ARSB: variants seen among roughly 807,000 people sequenced by gnomAD.
ARSB encodes the protein N-acetylgalactosamine-4-sulfatase.
ARSB carries 41 observed loss-of-function variants against 50.9 expected under a neutral mutation model. That is an observed-to-expected ratio of 0.81 (90% CI 0.63 to 1.04). The LOEUF (loss-of-function observed/expected upper bound fraction) is 1.04. Among genes scored for constraint, ARSB ranks in the 50% least tolerant of loss-of-function variants. The pLI, the probability that ARSB is intolerant of heterozygous loss-of-function variation, is 0.00. For synonymous variants in ARSB, 269 were observed against 284.8 expected (o/e 0.94, Z 0.56); for missense variants, 672 against 693.3 (o/e 0.97, Z 0.35).
At chr5:78,860,916 A>G (rs1315150471) in intron 5 of ARSB, among the ~76,000 whole-genome samples, 1 of 152,268 alleles carries the variant, frequency 6.6e-6, no homozygotes, top group Non-Finnish European at 1.5e-5. Context: ...ACAATAAAAA[A>G]TGATAAAGGG....
At chr5:78,976,284 T>TC (rs1752660827) in intron 1 of ARSB, among the ~76,000 whole-genome samples, 1 of 133,558 alleles carries the variant, frequency 7.5e-6, no homozygotes, top group South Asian at 2.6e-4. Flanking sequence ...GCTACTTTTT[T>TC]TTTTTTTTTT....
At chr5:78,932,735 T>C (rs1391935821) in intron 4 of ARSB, among the ~76,000 whole-genome samples, 1 of 152,252 alleles carries the variant, frequency 6.6e-6, no homozygotes, top group Non-Finnish European at 1.5e-5. Context: ...GGTAGATACA[T>C]GTAAAGTGCT....
intron 1 of ARSB, among the ~76,000 whole-genome samples, chr5:78,970,709 T>A (rs562368589): frequency 6.6e-6 from 1 of 152,240 alleles, no homozygotes; most frequent in Admixed American, 6.5e-5. Flanking sequence ...ATCCCAACAC[T>A]TTGGGAGGCT....
chr5:78,869,701 A>G (rs1283625177), intron 5 of ARSB, among the ~76,000 whole-genome samples: 1 of 150,450 alleles, frequency 6.6e-6, no homozygotes, highest in Non-Finnish European at 1.5e-5. Flanking sequence ...AATGCCCACA[A>G]GAGAAAGCAG....
At position 78,893,076 on chromosome 5, in the gene ARSB, A is replaced by G. The variant is rs569200670; in HGVS notation, c.899-7249T>C. Among the ~76,000 whole-genome samples, 16 of 152,288 alleles carry G rather than the reference A, an allele frequency of 1.1e-4. No homozygotes were observed. The South Asian group carries it at 3.3e-3, about 32-fold the overall frequency. On this transcript the variant is annotated intron_variant, in intron 4 of 7. Coordinates refer to ENST00000264914, the MANE Select transcript of ARSB (RefSeq NM_000046.5). ...TTGAATCACAGGGGCAGATTCCCCCATACTGTTCTCGTGGTAGTGAACAAG... is the reference window on the plus strand; with the variant it reads ...TTGAATCACAGGGGCAGATTCCCCCGTACTGTTCTCGTGGTAGTGAACAAG...
intron 4 of ARSB, among the ~76,000 whole-genome samples, chr5:78,891,858 T>TG (rs1748307847): frequency 6.8e-6 from 1 of 146,748 alleles, no homozygotes; most frequent in African/African-American, 2.8e-5. Context: ...TAGGTCTAGG[T>TG]GTTTTATGAC....
intron 6 of ARSB, among the ~76,000 whole-genome samples, chr5:78,833,955 C>G (rs1464078656): frequency 6.6e-6 from 1 of 152,124 alleles, no homozygotes; most frequent in African/African-American, 2.4e-5. Context: ...TACTTAGGCA[C>G]AAAAGGTAGG....
intron 5 of ARSB, among the ~76,000 whole-genome samples, chr5:78,852,488 C>G (rs1253490862): frequency 2.6e-5 from 4 of 152,204 alleles, no homozygotes; most frequent in East Asian, 3.8e-4. Flanking sequence ...CTGCCCTTAA[C>G]ATTTTTTCCT....
At position 78,841,208 on chromosome 5, in the gene ARSB, T is replaced by C. The variant is rs573800285; in HGVS notation, c.1143-1782A>G. 8.8e-5 allele frequency among the ~76,000 whole-genome samples: 13 copies of C among 147,618 alleles called. No homozygotes were observed. In the South Asian group the frequency reaches 2.9e-3, roughly 33 times the overall value. Reference sequence around the variant, plus strand: ...ATTTGAGCATGGTGGTGCATGCCTGTAGTCCCAGCAACACAGGAGGCTGAG... The same window carrying C: ...ATTTGAGCATGGTGGTGCATGCCTGCAGTCCCAGCAACACAGGAGGCTGAG... On this transcript the variant is annotated intron_variant, in intron 5 of 7. Coordinates refer to ENST00000264914, the MANE Select transcript of ARSB (RefSeq NM_000046.5).
At chr5:78,872,814 AT>A (rs756470940) in intron 5 of ARSB, among the ~76,000 whole-genome samples, 1,237 of 92,820 alleles carry the variant, frequency 0.013, 13 homozygotes, top group African/African-American at 0.054. Context: ...TTAAAGTATA[AT>A]TAAAAAAAAA....
intron 6 of ARSB, among the ~76,000 whole-genome samples, chr5:78,801,692 C>A (rs11956904): frequency 0.012 from 1,837 of 152,192 alleles, 35 homozygotes; most frequent in African/African-American, 0.04. Flanking sequence ...TGTGTGCTGG[C>A]GGAATGTGAG....
chr5:78,864,705 T>C lies in ARSB; in HGVS notation c.1142+20879A>G, dbSNP rs554096282. ...CATCTGAGACAAGGCAAGTCCCTTA[T>C]GCCTATGAGCCTGTAAAATCAAAAG... On this transcript the variant is annotated intron_variant, in intron 5 of 7. Transcript: ENST00000264914. 3.9e-5 allele frequency among the ~76,000 whole-genome samples: 6 copies of C among 152,324 alleles called. No homozygotes were observed. In the East Asian group the frequency reaches 1.2e-3, roughly 29 times the overall value.
At chr5:78,935,629 C>G (rs902277855) in intron 4 of ARSB, among the ~76,000 whole-genome samples, 1 of 152,118 alleles carries the variant, frequency 6.6e-6, no homozygotes, top group Non-Finnish European at 1.5e-5. Context: ...AACCGGAGAC[C>G]AAAGGCTAGA....
chr5:78,984,900 G>GGGCGGGGGC lies in ARSB; in HGVS notation c.312+28_312+36dup, dbSNP rs1048555542. The GGGCGGGGGC allele has an allele frequency of 2.1e-4, 264 of 1,287,188 alleles. 1 individual carries two copies. Among genetic ancestry groups the GGGCGGGGGC allele is most frequent in the Non-Finnish European group, 2.5e-4 (252 of 1,020,862 alleles). 79.7% of individuals were successfully genotyped at this position (1,287,188 alleles called of 1,614,324 possible). A position where few individuals can be genotyped will look rare whatever the true frequency, so the allele number is the denominator to read the frequency against. Reference sequence around the variant, plus strand: ...AGCGGCAGGGCGCCGGCGAAAGGCGGGGCGGGGGCGGCGCGGGCGGCGGGG... The same window carrying GGGCGGGGGC: ...AGCGGCAGGGCGCCGGCGAAAGGCGGGGCGGGGGCGGCGGGGGCGGCGCGGGCGGCGGGG... On this transcript the variant is annotated intron_variant, in intron 1 of 7. Coordinates refer to ENST00000264914, the MANE Select transcript of ARSB (RefSeq NM_000046.5).
intron 6 of ARSB, among the ~76,000 whole-genome samples, chr5:78,836,884 G>A (rs1476298471): frequency 6.6e-6 from 1 of 152,158 alleles, no homozygotes; most frequent in Admixed American, 6.5e-5. Flanking sequence ...CATGACAGAA[G>A]GTGAAGAGGA....
At chr5:78,900,451 G>A (rs1339872210) in intron 4 of ARSB, among the ~76,000 whole-genome samples, 2 of 152,126 alleles carry the variant, frequency 1.3e-5, no homozygotes, top group Non-Finnish European at 2.9e-5. Flanking sequence ...TTTTTCCAGT[G>A]TAAAAACAGA....
Position 78,780,242 on chromosome 5 carries a change from A to C in ARSB, c.*155T>G. On this transcript the variant is annotated 3_prime_UTR_variant, in exon 8 of 8. Coordinates refer to ENST00000264914, the MANE Select transcript of ARSB (RefSeq NM_000046.5). The stretch of plus-strand genomic sequence containing the variant: ...GTTGCAGATTTTATCAGCTTCTTAA[A>C]TGCATTAGGGGTTGAAATTAGACAC... 1.1e-6 allele frequency: 1 copy of C among 943,154 alleles called. No homozygotes were observed. Among genetic ancestry groups the C allele is most frequent in the Non-Finnish European group, 1.6e-6 (1 of 611,202 alleles). 58.4% of individuals were successfully genotyped at this position (943,154 alleles called of 1,614,324 possible). A position where few individuals can be genotyped will look rare whatever the true frequency, so the allele number is the denominator to read the frequency against.
At chr5:78,789,563 T>C (rs1051924077) in intron 6 of ARSB, among the ~76,000 whole-genome samples, 1 of 152,160 alleles carries the variant, frequency 6.6e-6, no homozygotes, top group Non-Finnish European at 1.5e-5. Flanking sequence ...TGGAGTGATA[T>C]GGTATTGAGT....
At chr5:78,963,699 T>C (rs1319368383) in intron 3 of ARSB, among the ~76,000 whole-genome samples, 3 of 152,124 alleles carry the variant, frequency 2.0e-5, no homozygotes, top group African/African-American at 7.2e-5. Flanking sequence ...AAAGCATCAG[T>C]ATAGTAAATG....
Sources: gnomAD v4.1 joint callset for allele counts (sites outside exome capture counted in the v4.1 genomes callset) on GRCh38, gnomAD v4.1.1 for gene constraint, MANE v1.5 for transcripts, NCBI Gene and HGNC (gene_info 2026-07-23, HGNC 2026-07-21) for gene names.